DPH6: variants seen among roughly 807,000 people sequenced by gnomAD.
DPH6 encodes diphthine--ammonia ligase.
In DPH6, 33 loss-of-function variants were observed where a neutral mutation model predicts 38.2. That is an observed-to-expected ratio of 0.86 (90% CI 0.65 to 1.15). The LOEUF (loss-of-function observed/expected upper bound fraction) is 1.15. Among genes scored for constraint, DPH6 ranks in the 50% most tolerant of loss-of-function variants. The probability of loss-of-function intolerance (pLI) is 0.00; values close to 1 mark genes in which losing one functional copy is unlikely to be tolerated. For missense variants in DPH6, 325 were observed against 320.0 expected, an observed-to-expected ratio of 1.02 and a Z score of -0.12; for synonymous variants, 108 against 103.0, an observed-to-expected ratio of 1.05 and a Z score of -0.30.
the DPH6 span, among the ~76,000 whole-genome samples, chr15:35,189,478 G>C: frequency 2.0e-5 from 3 of 151,970 alleles, no homozygotes; most frequent in Admixed American, 1.3e-4. Context: ...TTTTTGCCTT[G>C]TAAAATCCAT....
chr15:35,390,757 A>T (rs1297969370), intron 6 of DPH6, among the ~76,000 whole-genome samples: 1 of 151,772 alleles, frequency 6.6e-6, no homozygotes, highest in East Asian at 1.9e-4. Flanking sequence ...TTTTTTTTCA[A>T]AGTTTTTAAC....
rs1490314026 is a variant in DPH6, at chr15:35,298,434, C to T, written n.200+75087G>A. 2.0e-5 allele frequency: 15 copies of T among 749,502 alleles called. No homozygotes were observed. The East Asian group carries it at 3.7e-4, about 18-fold the overall frequency. 46.4% of individuals were successfully genotyped at this position (749,502 alleles called of 1,614,324 possible). A position where few individuals can be genotyped will look rare whatever the true frequency, so the allele number is the denominator to read the frequency against. On this transcript the variant is annotated intron_variant and non_coding_transcript_variant, in intron 3 of 3. Transcript: ENST00000560386. ...AGGGGCACCAGAATTTCAAACAACA[C>T]ACTTTCCCCAACTTTGAGATATTTT...
the DPH6 span, among the ~76,000 whole-genome samples, chr15:35,198,956 G>C: frequency 2.7e-5 from 4 of 149,616 alleles, no homozygotes; most frequent in African/African-American, 9.9e-5. Context: ...ATTCACTTTT[G>C]TTGCCCAGGC....
chr15:35,311,574 A>G (rs1488885419), intron 3 of DPH6, among the ~76,000 whole-genome samples: 1 of 152,202 alleles, frequency 6.6e-6, no homozygotes, highest in Non-Finnish European at 1.5e-5. Context: ...ATGCTTTGGG[A>G]CAAGAAAGAA....
At chr15:35,205,287 C>A in the DPH6 span, among the ~76,000 whole-genome samples, 2 of 151,784 alleles carry the variant, frequency 1.3e-5, no homozygotes, top group African/African-American at 2.4e-5. Flanking sequence ...TTGAAGTATC[C>A]TAGAGTTTTG....
chr15:35,543,259 A>ATAT (rs1491418079), intron 1 of DPH6, among the ~76,000 whole-genome samples: 1,392 of 113,968 alleles, frequency 0.012, 88 homozygotes, highest in African/African-American at 0.032. Flanking sequence ...ACATACACAT[A>ATAT]ATATATATAT....
chr15:35,300,630 T>C (rs978780901), intron 3 of DPH6, among the ~76,000 whole-genome samples: 39 of 152,216 alleles, frequency 2.6e-4, no homozygotes, highest in African/African-American at 8.9e-4. Flanking sequence ...GGGAGAGAAG[T>C]GGGAATTAAG....
At chr15:35,345,709 A>G (rs2052456376) in intron 3 of DPH6, among the ~76,000 whole-genome samples, 1 of 151,874 alleles carries the variant, frequency 6.6e-6, no homozygotes, top group African/African-American at 2.4e-5. Flanking sequence ...TCCTGGCATG[A>G]TCAGGTTTTA....
chr15:35,441,784 G>A (rs1352425461), intron 5 of DPH6, among the ~76,000 whole-genome samples: 6 of 127,896 alleles, frequency 4.7e-5, no homozygotes, highest in East Asian at 2.3e-4. Context: ...TGTTCTGCAC[G>A]TGTATCCCAG....
chr15:35,530,164 G>A (rs1321681293), intron 3 of DPH6, among the ~76,000 whole-genome samples: 2 of 152,042 alleles, frequency 1.3e-5, no homozygotes, highest in South Asian at 4.1e-4. Flanking sequence ...TAAGAATATG[G>A]CAAAGACAAG....
chr15:35,425,021 A>G (rs917422929), intron 5 of DPH6, among the ~76,000 whole-genome samples: 15 of 151,620 alleles, frequency 9.9e-5, no homozygotes, highest in African/African-American at 3.1e-4. Flanking sequence ...AATTAAACTG[A>G]ATGTGACCTA....
intron 3 of DPH6, among the ~76,000 whole-genome samples, chr15:35,304,234 G>A (rs1304061651): frequency 6.6e-6 from 1 of 152,108 alleles, no homozygotes; most frequent in Non-Finnish European, 1.5e-5. Context: ...TCAAGATCAT[G>A]TACAGATTAT....
intron 3 of DPH6, among the ~76,000 whole-genome samples, chr15:35,274,060 G>C (rs1258559931): frequency 1.3e-5 from 2 of 152,224 alleles, no homozygotes; most frequent in East Asian, 3.9e-4. Context: ...CAGATATATA[G>C]ACCAATGGAA....
At chr15:35,339,599 A>G (rs2052404638) in intron 3 of DPH6, among the ~76,000 whole-genome samples, 1 of 152,130 alleles carries the variant, frequency 6.6e-6, no homozygotes, top group Admixed American at 6.6e-5. Context: ...TGCTAGGATT[A>G]CAGGTGTGAG....
intron 3 of DPH6, among the ~76,000 whole-genome samples, chr15:35,469,595 C>T (rs2054171370): frequency 6.6e-6 from 1 of 152,146 alleles, no homozygotes; most frequent in Non-Finnish European, 1.5e-5. Flanking sequence ...GGCTTGGTCA[C>T]TTGATAGAGA....
chr15:35,328,862 C>G (rs927646313), downstream of DPH6, among the ~76,000 whole-genome samples: 2 of 152,124 alleles, frequency 1.3e-5, no homozygotes, highest in African/African-American at 2.4e-5. Context: ...CTGGGGAAGC[C>G]TCACAATCAT....
intron 3 of DPH6, among the ~76,000 whole-genome samples, chr15:35,483,557 C>T (rs555322316): frequency 2.7e-5 from 4 of 150,832 alleles, no homozygotes; most frequent in African/African-American, 4.9e-5. Context: ...TAGACAATAA[C>T]GAATAGTGAA....
Position 35,291,634 on chromosome 15 carries a change from C to T in DPH6, n.201-71052G>A, listed in dbSNP as rs74934877. Among the ~76,000 whole-genome samples, 124 of 152,192 alleles carry T rather than the reference C, an allele frequency of 8.1e-4. 3 individuals are homozygous for T. In the East Asian group the frequency reaches 0.022, roughly 26 times the overall value. On this transcript the variant is annotated intron_variant and non_coding_transcript_variant, in intron 3 of 3. Transcript: ENST00000560386. ...AATGGCTTAAATTTTCTTATAATCT[C>T]TTAATGTTCTCACCTCCTCCCAATT...
chr15:35,276,240 G>A (rs537209750), intron 3 of DPH6, among the ~76,000 whole-genome samples: 10 of 152,116 alleles, frequency 6.6e-5, no homozygotes, highest in Admixed American at 1.3e-4. Flanking sequence ...CTTCTTTTGA[G>A]AACTGTCTAT....
Sources: allele counts gnomAD v4.1 joint callset (sites outside exome capture counted in the v4.1 genomes callset), GRCh38; gene constraint gnomAD v4.1.1; transcripts MANE v1.5; gene names NCBI Gene and HGNC (gene_info 2026-07-23, HGNC 2026-07-21).